Variants in LRRC7 observed in about 807,000 individuals in gnomAD.
The protein encoded by LRRC7 is leucine rich repeat containing 7.
In LRRC7, 23 loss-of-function variants were observed where a neutral mutation model predicts 175.7. The ratio of observed to expected loss-of-function variants is 0.13; its 90% CI spans 0.09 to 0.19. LRRC7 has a LOEUF of 0.19. LRRC7 is among the 10% of genes least tolerant of loss of function. The probability of loss-of-function intolerance (pLI) is 1.00; values close to 1 mark genes in which losing one functional copy is unlikely to be tolerated. For synonymous variants in LRRC7, 685 were observed against 680.9 expected, an observed-to-expected ratio of 1.01 and a Z score of -0.09; for missense variants, 1,354 against 1,904.7, an observed-to-expected ratio of 0.71 and a Z score of 5.38.
chr1:69,680,590 G>A (rs898132338), intron 2 of LRRC7, among the ~76,000 whole-genome samples: 4 of 151,572 alleles, frequency 2.6e-5, no homozygotes, highest in African/African-American at 9.7e-5. Context: ...CTTGCATAGA[G>A]GTCTTTATTT....
intron 2 of LRRC7, among the ~76,000 whole-genome samples, chr1:69,685,588 A>G (rs573360336): frequency 6.6e-6 from 1 of 152,272 alleles, no homozygotes; most frequent in Non-Finnish European, 1.5e-5. Flanking sequence ...CAAAATAAAA[A>G]TATCACTTAA....
chr1:69,988,590 A>G (rs1198757164), intron 10 of LRRC7, among the ~76,000 whole-genome samples: 1 of 152,208 alleles, frequency 6.6e-6, no homozygotes, highest in Non-Finnish European at 1.5e-5. Flanking sequence ...TTTAAGCACA[A>G]CAGAGGAATC....
Position 69,937,864 on chromosome 1 carries a change from C to A in LRRC7, c.711+6294C>A, listed in dbSNP as rs565533112. 1.4e-4 allele frequency among the ~76,000 whole-genome samples: 21 copies of A among 151,930 alleles called. No individual in the cohort carries two copies. The South Asian group carries it at 1.9e-3, about 14-fold the overall frequency. On this transcript the variant is annotated intron_variant, in intron 8 of 26. Coordinates refer to ENST00000651989, the MANE Select transcript of LRRC7 (RefSeq NM_001370785.2). The stretch of plus-strand genomic sequence containing the variant: ...TTTCTTTCATATCCTTAAAGAGAGG[C>A]TTTCTTACCTTTTTACATAAAATTA...
rs149972821 is a variant in LRRC7, at chr1:69,644,106, T to A, written c.3-34275T>A. Among the ~76,000 whole-genome samples the A allele has an allele frequency of 5.3e-5, 8 of 152,240 alleles. No individual in the cohort carries two copies. In the East Asian group the frequency reaches 1.5e-3, roughly 29 times the overall value. ...GGTCTATCTTGGAATATATTCTATGTCCATGTGAAAAGATTGCCTGTTCTG... is the reference window on the plus strand; with the variant it reads ...GGTCTATCTTGGAATATATTCTATGACCATGTGAAAAGATTGCCTGTTCTG... On this transcript the variant is annotated intron_variant, in intron 1 of 26. Transcript: ENST00000651989.
chr1:70,103,591 T>C (rs2102203693), intron 25 of LRRC7, among the ~76,000 whole-genome samples: 1 of 152,326 alleles, frequency 6.6e-6, no homozygotes, highest in Non-Finnish European at 1.5e-5. Flanking sequence ...CCAAAACTTT[T>C]ATTTTAGCCC....
At chr1:69,668,957 T>A (rs1026466497) in intron 1 of LRRC7, among the ~76,000 whole-genome samples, 8 of 152,224 alleles carry the variant, frequency 5.3e-5, no homozygotes, top group African/African-American at 1.9e-4. Context: ...TTGAGAAGTG[T>A]CTGTTCATAT....
intron 24 of LRRC7, among the ~76,000 whole-genome samples, chr1:70,089,069 C>T (rs1558059039): frequency 6.6e-6 from 1 of 152,106 alleles, no homozygotes; most frequent in East Asian, 1.9e-4. Flanking sequence ...TTTAACTAGA[C>T]CTCATCACAC....
At chr1:69,890,714 T>C (rs181324075) in intron 7 of LRRC7, among the ~76,000 whole-genome samples, 2 of 152,380 alleles carry the variant, frequency 1.3e-5, no homozygotes, top group Admixed American at 6.5e-5. Flanking sequence ...CTGTTTTTTA[T>C]TGTAGCCACC....
At chr1:69,932,170 G>T (rs1426259835) in intron 8 of LRRC7, among the ~76,000 whole-genome samples, 1 of 152,142 alleles carries the variant, frequency 6.6e-6, no homozygotes, top group Non-Finnish European at 1.5e-5. Context: ...AAATCAGAAA[G>T]CATATACTTC....
chr1:69,734,402 A>C (rs1347220344), intron 2 of LRRC7, among the ~76,000 whole-genome samples: 1 of 151,948 alleles, frequency 6.6e-6, no homozygotes, highest in Admixed American at 6.6e-5. Context: ...ATTTTAATTA[A>C]AAAATTATAA....
chr1:69,878,276 GAAAAA>G (rs369453827), intron 7 of LRRC7, among the ~76,000 whole-genome samples: 1 of 123,896 alleles, frequency 8.1e-6, no homozygotes, highest in Non-Finnish European at 1.7e-5. Context: ...CCTTATCTTA[GAAAAA>G]AAAAAAAAAA....
intron 18 of LRRC7, among the ~76,000 whole-genome samples, chr1:70,035,086 T>C (rs1017959074): frequency 6.6e-6 from 1 of 152,188 alleles, no homozygotes; most frequent in Admixed American, 6.5e-5. Context: ...TTTAACAAAA[T>C]ATTTCTAAAT....
intron 1 of LRRC7, among the ~76,000 whole-genome samples, chr1:69,600,068 T>C (rs912584621): frequency 3.9e-5 from 6 of 152,158 alleles, no homozygotes; most frequent in Admixed American, 3.3e-4. Context: ...GGCAAAACAA[T>C]TCTTAAAAAA....
At chr1:69,962,668 C>T (rs996301585) in intron 8 of LRRC7, among the ~76,000 whole-genome samples, 3 of 152,258 alleles carry the variant, frequency 2.0e-5, no homozygotes, top group Admixed American at 2.0e-4. Flanking sequence ...AAGATCATCT[C>T]TTTGCAGGAA....
intron 2 of LRRC7, among the ~76,000 whole-genome samples, chr1:69,747,284 C>T (rs1478817023): frequency 1.3e-5 from 2 of 152,020 alleles, no homozygotes; most frequent in Non-Finnish European, 2.9e-5. Context: ...AGGAAAGTAA[C>T]TCAGGAAAGA....
chr1:69,858,452 A>T (rs1256078564), intron 7 of LRRC7, among the ~76,000 whole-genome samples: 2 of 152,168 alleles, frequency 1.3e-5, no homozygotes, highest in African/African-American at 4.8e-5. Flanking sequence ...AACTTATAGT[A>T]TAATAATAAA....
intron 7 of LRRC7, among the ~76,000 whole-genome samples, chr1:69,842,113 T>C (rs1347353634): frequency 6.6e-6 from 1 of 152,120 alleles, no homozygotes; most frequent in East Asian, 1.9e-4. Context: ...ATAGTATAAC[T>C]GCTTTTTATT....
intron 11 of LRRC7, among the ~76,000 whole-genome samples, chr1:70,003,811 C>T (rs1372898403): frequency 1.3e-5 from 2 of 151,896 alleles, no homozygotes; most frequent in African/African-American, 4.8e-5. Context: ...GTTAAGAAAT[C>T]TTTCAGTCTC....
chr1:70,115,028 A>T (rs1359275360), intron 26 of LRRC7, among the ~76,000 whole-genome samples: 1 of 152,210 alleles, frequency 6.6e-6, no homozygotes, highest in East Asian at 1.9e-4. Context: ...TCCATTGTCA[A>T]CAAAATAACA....
Sources: allele counts gnomAD v4.1 joint callset (sites outside exome capture counted in the v4.1 genomes callset), GRCh38; gene constraint gnomAD v4.1.1; transcripts MANE v1.5; gene names NCBI Gene and HGNC (gene_info 2026-07-23, HGNC 2026-07-21).